The following USP1 variants were observed in gnomAD, a reference collection of about 807,000 sequenced individuals.
USP1 encodes ubiquitin carboxyl-terminal hydrolase 1.
In USP1, 18 loss-of-function variants were observed where a neutral mutation model predicts 72.2. That is an observed-to-expected ratio of 0.25 (90% CI 0.17 to 0.37). USP1 has a LOEUF of 0.37. USP1 is among the 10% of genes least tolerant of loss of function. The pLI, the probability that USP1 is intolerant of heterozygous loss-of-function variation, is 1.00. For synonymous variants in USP1, 354 were observed against 303.7 expected (o/e 1.17, Z -1.72); for missense variants, 759 against 884.9 (o/e 0.86, Z 1.81).
intron 5 of USP1, 118 bp from the exon 6 acceptor site, chr1:62,444,619 CT>C: frequency 1.2e-6 from 1 of 846,356 alleles, no homozygotes; most frequent in Non-Finnish European, 1.7e-6. Flanking sequence ...GAATAAATGT[CT>C]TGACATTTAA....
At position 62,441,653 on chromosome 1, in the gene USP1, G is replaced by T. The variant is rs371122588; in HGVS notation, c.291+45G>T. The T allele has an allele frequency of 6.5e-5, 102 of 1,573,920 alleles. 1 individual carries two copies. Among genetic ancestry groups the T allele is most frequent in the Non-Finnish European group, 8.7e-5 (101 of 1,162,086 alleles). The stretch of plus-strand genomic sequence containing the variant: ...ATATCATAAAGCTTTAGTAGGCAAA[G>T]ATTGATGTAGCATTTAATGTTTTTG... On this transcript the variant is annotated intron_variant, in intron 3 of 8. Transcript: ENST00000339950.
chr1:62,448,187 C>G (rs1022153934), intron 7 of USP1, among the ~76,000 whole-genome samples: 7 of 152,170 alleles, frequency 4.6e-5, no homozygotes, highest in Non-Finnish European at 8.8e-5. Context: ...ACAGGTTTAC[C>G]TATCACATAT....
In USP1 at chr1:62,450,376, A is replaced by G. The variant is rs752180766; in HGVS notation, c.1753A>G (p.Ser585Gly). Reference sequence around the variant, plus strand: ...TGGATTATTTGCGGTTGTGATGCATAGTGGCATTACAATTAGTAGTGGGCA... The same window carrying G: ...TGGATTATTTGCGGTTGTGATGCATGGTGGCATTACAATTAGTAGTGGGCA... Reference protein sequence around the residue: ...SYGLFAVVMHSGITISSGHYT... With the variant: ...SYGLFAVVMHGGITISSGHYT... Residue 585 changes from serine (S) to glycine (G), a missense_variant, in exon 9 of 9, where the codon AGT becomes GGT. Around this residue, in one of 9 missense-constraint regions of USP1, gnomAD observed 140 missense variants for 222.8 expected, o/e 0.63. Coordinates refer to ENST00000339950, the MANE Select transcript of USP1 (RefSeq NM_003368.5). The G allele has an allele frequency of 1.2e-6, 2 of 1,614,150 alleles. No homozygotes were observed. Among genetic ancestry groups the G allele is most frequent in the Non-Finnish European group, 8.5e-7 (1 of 1,180,028 alleles).
In USP1 at chr1:62,437,393, A is replaced by G. The variant is rs1039042282; in HGVS notation, c.-77A>G. On this transcript the variant is annotated 5_prime_UTR_variant, in exon 1 of 9. It removes an upstream start codon present in the reference 5' UTR. Coordinates refer to ENST00000339950, the MANE Select transcript of USP1 (RefSeq NM_003368.5). ...ACCGCCGCGGACTTCGCTTTGGGCCATGACCAGGTAAGGAGGGCCTGGGAG... is the reference window on the plus strand; with the variant it reads ...ACCGCCGCGGACTTCGCTTTGGGCCGTGACCAGGTAAGGAGGGCCTGGGAG... 1 of 383,512 alleles carries G rather than the reference A, an allele frequency of 2.6e-6. No homozygotes were observed. Among genetic ancestry groups the G allele is most frequent in the East Asian group, 3.7e-5 (1 of 27,072 alleles). The allele number at this position is 383,512 out of a possible 1,614,324, so 23.8% of individuals were successfully genotyped here.
intron 5 of USP1, 137 bp downstream of exon 5, chr1:62,443,456 A>G: frequency 1.1e-6 from 1 of 894,590 alleles, no homozygotes; most frequent in East Asian, 3.1e-5. Context: ...TATATCCCAG[A>G]GACTCTGAAT....
At chr1:62,445,598 AGTGT>A (rs773497006) in intron 6 of USP1, among the ~76,000 whole-genome samples, 169 bp downstream of exon 6, 12 of 147,236 alleles carry the variant, frequency 8.2e-5, no homozygotes, top group Non-Finnish European at 1.8e-4. Flanking sequence ...TGCTTAGATT[AGTGT>A]GTGTGTATAT....
chr1:62,439,373 T>TG (rs1344006814), intron 1 of USP1, among the ~76,000 whole-genome samples: 2 of 152,132 alleles, frequency 1.3e-5, no homozygotes, highest in Admixed American at 6.5e-5. Flanking sequence ...TTAGTAGAGA[T>TG]GGGGTTTCAC....
chr1:62,448,063 G>A (rs1284268852), intron 7 of USP1, among the ~76,000 whole-genome samples: 1 of 152,204 alleles, frequency 6.6e-6, no homozygotes, highest in Non-Finnish European at 1.5e-5. Context: ...TGGGATTACA[G>A]GCGTGAGCCA....
In USP1 at chr1:62,443,397, A is replaced by G. The variant is rs1645146804; in HGVS notation, c.557+78A>G. The G allele has an allele frequency of 4.3e-6, 6 of 1,394,208 alleles. No individual in the cohort carries two copies. The East Asian group carries it at 1.5e-4, about 36-fold the overall frequency. The allele number at this position is 1,394,208 out of a possible 1,614,324, so 86.4% of individuals were successfully genotyped here. On this transcript the variant is annotated intron_variant, in intron 5 of 8. Transcript: ENST00000339950. Reference sequence around the variant, plus strand: ...CTTGGAGGAGAATGACATGCGAAGAAACAGGAATAAAGGGCAAGGAAAGTA... The same window carrying G: ...CTTGGAGGAGAATGACATGCGAAGAGACAGGAATAAAGGGCAAGGAAAGTA...
chr1:62,448,432 G>C, intron 7 of USP1, 33 bp from the exon 8 acceptor site: 2 of 1,594,664 alleles, frequency 1.3e-6, no homozygotes, highest in Non-Finnish European at 1.7e-6. Flanking sequence ...ATGCCTGAGA[G>C]AAGTATTTGA....
Position 62,450,284 on chromosome 1 carries a change from C to T in USP1, c.1661C>T (p.Thr554Ile). Residue 554 changes from threonine (T) to isoleucine (I), a missense_variant, in exon 9 of 9, where the codon ACT becomes ATT. Thr to Ile is a moderately conservative substitution (Grantham distance 89). This residue lies in a region of USP1 where 140 missense variants were observed against 222.8 expected (regional missense o/e 0.63). Coordinates refer to ENST00000339950, the MANE Select transcript of USP1 (RefSeq NM_003368.5). ...GGTGGTGGACTTTCCAAGATCAACA[C>T]TCCTTTATTGACACCTCTTAAATTG... is the stretch of plus-strand genomic sequence containing the variant. ...CYGGGLSKIN[T>I]PLLTPLKLSL... 1 of 1,614,022 alleles carries T rather than the reference C, an allele frequency of 6.2e-7. No homozygotes were observed. The highest frequency in any genetic ancestry group is 8.5e-7 in the Non-Finnish European group (1 of 1,179,914).
chr1:62,450,988 T>C lies in USP1; in HGVS notation c.*7T>C. ...ATTTTATAAGAAATTATAGAGTGAG[T>C]GTATTTTCCTTGTGTATATATTAAA... On this transcript the variant is annotated 3_prime_UTR_variant, in exon 9 of 9. Transcript: ENST00000339950. 6.4e-7 allele frequency: 1 copy of C among 1,567,684 alleles called. No individual in the cohort carries two copies.
At chr1:62,440,091 A>C in intron 2 of USP1, 54 bp downstream of exon 2, 1 of 1,359,784 alleles carries the variant, frequency 7.4e-7, no homozygotes, top group Non-Finnish European at 9.6e-7. Context: ...GCAGCAGTGA[A>C]CTTGGTTGAC....
rs2149204232 is a variant in USP1 at position 62,440,053 on chromosome 1, T to G, written c.170+16T>G. The G allele has an allele frequency of 7.0e-7, 1 of 1,419,900 alleles. No homozygotes were observed. The highest frequency in any genetic ancestry group is 2.6e-5 in the East Asian group (1 of 38,096). 88.0% of individuals were successfully genotyped at this position (1,419,900 alleles called of 1,614,324 possible). A position where few individuals can be genotyped will look rare whatever the true frequency, so the allele number is the denominator to read the frequency against. On this transcript the variant is annotated intron_variant, in intron 2 of 8. Transcript: ENST00000339950. ...CATCTGAAATGTATGTATCTTACAT[T>G]TCTGTACTTTAAAAATTCTACAGTA...
Position 62,450,989 on chromosome 1 carries a change from G to T in USP1, c.*8G>T. On this transcript the variant is annotated 3_prime_UTR_variant, in exon 9 of 9. Coordinates refer to ENST00000339950, the MANE Select transcript of USP1 (RefSeq NM_003368.5). ...TTTTATAAGAAATTATAGAGTGAGT[G>T]TATTTTCCTTGTGTATATATTAAAC... The T allele has an allele frequency of 6.4e-7, 1 of 1,567,232 alleles. No individual in the cohort carries two copies. The highest frequency in any genetic ancestry group is 1.4e-5 in the African/African-American group (1 of 72,936).
chr1:62,445,470 C>A, intron 6 of USP1, 41 bp downstream of exon 6: 1 of 1,452,928 alleles, frequency 6.9e-7, no homozygotes, highest in Non-Finnish European at 9.1e-7. Flanking sequence ...GAAGCATTAG[C>A]AGCTACAGAA....
At position 62,450,750 on chromosome 1, in the gene USP1, C is replaced by T; in HGVS notation, c.2127C>T (p.Thr709=). The change falls in exon 9 of 9, where the codon ACC becomes ACT. Residue 709 remains threonine (T), a synonymous_variant. Transcript: ENST00000339950. ...CTGAGACTAGTGATACTACTGGGAC[C>T]CATGAATCTGATAGAAACAAGGAAT... ...RNSETSDTTG[T]HESDRNKESS... is the part of the protein sequence containing the mutation. 1 of 1,613,718 alleles carries T rather than the reference C, an allele frequency of 6.2e-7. No homozygotes were observed. The highest frequency in any genetic ancestry group is 1.1e-5 in the South Asian group (1 of 90,964).
At chr1:62,444,655 C>T in intron 5 of USP1, 83 bp from the exon 6 acceptor site, 5 of 1,072,020 alleles carry the variant, frequency 4.7e-6, no homozygotes, top group Admixed American at 3.1e-5. Context: ...TATGATTTTC[C>T]TTACATGAAT....
Position 62,444,869 on chromosome 1 carries a change from C to T in USP1, c.689C>T (p.Pro230Leu). 6.2e-7 allele frequency: 1 copy of T among 1,613,334 alleles called. No individual in the cohort carries two copies. Among genetic ancestry groups the T allele is most frequent in the Non-Finnish European group, 8.5e-7 (1 of 1,179,732 alleles). The stretch of plus-strand genomic sequence containing the variant: ...GAAGTAAAAAATGTGGCAGAATTAC[C>T]TACTAAGGTAGAAGAAATACCTCAT... ...KEEVKNVAEL[P>L]TKVEEIPHPK... The change falls in exon 6 of 9, where the codon CCT becomes CTT. Residue 230 changes from proline (P) to leucine (L), a missense_variant. This residue lies in a region of USP1 where 245 missense variants were observed against 240.7 expected (regional missense o/e 1.02). Transcript: ENST00000339950.
Sources: allele counts gnomAD v4.1 joint callset (sites outside exome capture counted in the v4.1 genomes callset), GRCh38; gene constraint gnomAD v4.1.1; regional missense constraint gnomAD v4.1.1; transcripts MANE v1.5; gene names NCBI Gene and HGNC (gene_info 2026-07-23, HGNC 2026-07-21).